CORIN: variants seen among roughly 807,000 people sequenced by gnomAD.
CORIN encodes atrial natriuretic peptide-converting enzyme.
In CORIN, 117 loss-of-function variants were observed where a neutral mutation model predicts 125.3. That is an observed-to-expected ratio of 0.93 (90% CI 0.80 to 1.09). The LOEUF (loss-of-function observed/expected upper bound fraction) is 1.09. Among genes scored for constraint, CORIN ranks in the 50% least tolerant of loss-of-function variants. The probability of loss-of-function intolerance (pLI) is 0.00; values close to 1 mark genes in which losing one functional copy is unlikely to be tolerated. For synonymous variants in CORIN, 450 were observed against 466.4 expected (o/e 0.96, Z 0.45); for missense variants, 1,253 against 1,306.7 (o/e 0.96, Z 0.63).
chr4:47,744,442 G>A lies in CORIN; in HGVS notation c.759C>T (p.Ser253=), dbSNP rs1263659697. The A allele has an allele frequency of 6.2e-7, 1 of 1,614,090 alleles. No homozygotes were observed. ...CCTGCTGAGGTGAGAAGCAAATTCT[G>A]CTGACATTGCTGCTTTCAGTTTGGT... The part of the protein sequence containing the change: ...FRNQTESSNV[S]RICFSPQQEN... The change falls in exon 5 of 22, where the codon AGC becomes AGT. Residue 253 remains serine (S), a synonymous_variant. Transcript: ENST00000273857.
intron 4 of CORIN, among the ~76,000 whole-genome samples, chr4:47,752,232 C>T (rs1728935287): frequency 6.6e-6 from 1 of 152,168 alleles, no homozygotes; most frequent in Non-Finnish European, 1.5e-5. Context: ...GCACTTATCA[C>T]TATCCGCTAA....
chr4:47,768,766 T>G (rs1049873747), intron 3 of CORIN, among the ~76,000 whole-genome samples: 2 of 152,012 alleles, frequency 1.3e-5, no homozygotes, highest in Non-Finnish European at 2.9e-5. Context: ...CTTGAGAAAA[T>G]TAAACATCCT....
At chr4:47,705,399 T>A (rs1475812092) in intron 5 of CORIN, among the ~76,000 whole-genome samples, 1 of 152,218 alleles carries the variant, frequency 6.6e-6, no homozygotes, top group Non-Finnish European at 1.5e-5. Context: ...TTGCTGTGGC[T>A]GAAGGACCCA....
chr4:47,786,444 G>C (rs978144066), intron 3 of CORIN, among the ~76,000 whole-genome samples: 1 of 152,184 alleles, frequency 6.6e-6, no homozygotes, highest in African/African-American at 2.4e-5. Context: ...AAGAGGCTGA[G>C]GCAGGAGAAT....
intron 4 of CORIN, among the ~76,000 whole-genome samples, chr4:47,762,009 C>CAT (rs1312216925): frequency 6.6e-6 from 1 of 151,660 alleles, no homozygotes; most frequent in Non-Finnish European, 1.5e-5. Context: ...TATATACACA[C>CAT]ATATATATAC....
At chr4:47,794,514 T>C (rs1731211759) in intron 2 of CORIN, among the ~76,000 whole-genome samples, 1 of 152,200 alleles carries the variant, frequency 6.6e-6, no homozygotes, top group African/African-American at 2.4e-5. Flanking sequence ...AATTTTAAGC[T>C]AGTTTTCATA....
At chr4:47,729,494 C>A (rs900381450) in intron 5 of CORIN, among the ~76,000 whole-genome samples, 11 of 152,258 alleles carry the variant, frequency 7.2e-5, no homozygotes, top group African/African-American at 2.6e-4. Context: ...AACAGAGTAG[C>A]TACAGCCTAG....
chr4:47,824,995 G>A (rs1732680075), intron 1 of CORIN, among the ~76,000 whole-genome samples: 2 of 152,198 alleles, frequency 1.3e-5, no homozygotes, highest in African/African-American at 4.8e-5. Flanking sequence ...CTTTCCACCA[G>A]GGCAGCCGCA....
At chr4:47,649,745 G>T (rs1464929551) in intron 13 of CORIN, among the ~76,000 whole-genome samples, 1 of 152,176 alleles carries the variant, frequency 6.6e-6, no homozygotes, top group African/African-American at 2.4e-5. Flanking sequence ...AGTTAACCAA[G>T]TATTTAAAGG....
At chr4:47,650,001 C>T (rs1434355527) in intron 13 of CORIN, among the ~76,000 whole-genome samples, 1 of 152,206 alleles carries the variant, frequency 6.6e-6, no homozygotes, top group Non-Finnish European at 1.5e-5. Context: ...TGTGAGATAA[C>T]TCATAGAAAT....
intron 2 of CORIN, among the ~76,000 whole-genome samples, chr4:47,797,302 A>G (rs1731339707): frequency 6.6e-6 from 1 of 151,146 alleles, no homozygotes; most frequent in South Asian, 2.1e-4. Context: ...TGAGGAAGGT[A>G]TCAGTTCAAT....
chr4:47,778,040 T>C (rs1730378097), intron 3 of CORIN, among the ~76,000 whole-genome samples: 1 of 152,252 alleles, frequency 6.6e-6, no homozygotes, highest in Non-Finnish European at 1.5e-5. Flanking sequence ...CATCTGAGCC[T>C]TTGACTTTTA....
intron 12 of CORIN, among the ~76,000 whole-genome samples, chr4:47,654,496 C>T (rs541160527): frequency 6.6e-6 from 1 of 152,294 alleles, no homozygotes; most frequent in South Asian, 2.1e-4. Context: ...CTGCATAGCA[C>T]AGAGAATCTG....
At chr4:47,753,018 C>A (rs191064766) in intron 4 of CORIN, among the ~76,000 whole-genome samples, 1 of 152,118 alleles carries the variant, frequency 6.6e-6, no homozygotes, top group Non-Finnish European at 1.5e-5. Context: ...GGGGAACCAG[C>A]CCCCAATATT....
chr4:47,672,106 A>G lies in CORIN; in HGVS notation c.1357+2287T>C, dbSNP rs560125423. On this transcript the variant is annotated intron_variant, in intron 10 of 21. Transcript: ENST00000273857. Reference sequence around the variant, plus strand: ...AGAGAACAACAGTGTAGAATATATCAGTGGGAAGATGACAATATGTTCTCC... The same window carrying G: ...AGAGAACAACAGTGTAGAATATATCGGTGGGAAGATGACAATATGTTCTCC... Among the ~76,000 whole-genome samples the G allele has an allele frequency of 4.6e-5, 7 of 152,340 alleles. No individual in the cohort carries two copies. The East Asian group carries it at 1.2e-3, about 25-fold the overall frequency.
At chr4:47,638,022 CTT>C in intron 16 of CORIN, among the ~76,000 whole-genome samples, 1 of 152,336 alleles carries the variant, frequency 6.6e-6, no homozygotes, top group East Asian at 1.9e-4. Context: ...TGGGAACCCA[CTT>C]TTTGCATCAG....
intron 12 of CORIN, among the ~76,000 whole-genome samples, chr4:47,656,255 G>A (rs1054978829): frequency 4.0e-5 from 6 of 150,512 alleles, no homozygotes; most frequent in Admixed American, 2.0e-4. Flanking sequence ...TCCCAGGTTC[G>A]AGTGATTCTC....
At chr4:47,660,673 A>G (rs1161349611) in intron 12 of CORIN, among the ~76,000 whole-genome samples, 1 of 152,220 alleles carries the variant, frequency 6.6e-6, no homozygotes, top group Non-Finnish European at 1.5e-5. Flanking sequence ...AAGACAGACA[A>G]TAACAAATGC....
chr4:47,726,914 AT>A (rs1407360373), intron 5 of CORIN, among the ~76,000 whole-genome samples: 1 of 152,042 alleles, frequency 6.6e-6, no homozygotes, highest in Non-Finnish European at 1.5e-5. Context: ...GAAAAAATTA[AT>A]TGAAATTAAC....
Sources: gnomAD v4.1 joint callset for allele counts (sites outside exome capture counted in the v4.1 genomes callset) on GRCh38, gnomAD v4.1.1 for gene constraint, MANE v1.5 for transcripts, NCBI Gene and HGNC (gene_info 2026-07-23, HGNC 2026-07-21) for gene names.